Variants in CENPP observed in about 807,000 individuals in gnomAD.
CENPP encodes the protein centromere protein P.
A neutral mutation model predicts 35.6 loss-of-function variants in CENPP; 24 were observed. The observed-to-expected ratio is 0.67, with a 90% CI of 0.49 to 0.95. The LOEUF is 0.95. Among genes scored for constraint, CENPP ranks in the 40% least tolerant of loss-of-function variants. The probability of loss-of-function intolerance (pLI) is 0.00; values close to 1 mark genes in which losing one functional copy is unlikely to be tolerated. For missense variants in CENPP, 332 were observed against 345.3 expected (o/e 0.96, Z 0.31); for synonymous variants, 120 against 125.5 (o/e 0.96, Z 0.29).
intron 5 of CENPP, among the ~76,000 whole-genome samples, chr9:92,505,875 A>G (rs1401288665): frequency 1.3e-5 from 2 of 152,178 alleles, no homozygotes; most frequent in Non-Finnish European, 2.9e-5. Flanking sequence ...TGCTCAATTC[A>G]ACCAGAACTA....
rs749549480 is a variant in CENPP, at chr9:92,457,415, A to G, written c.564+77556A>G. The stretch of plus-strand genomic sequence containing the variant: ...TATTGCACTGTATAAAGATTTCTTC[A>G]TCTTTGGCACTGTTGGACAGAAGTC... On this transcript the variant is annotated intron_variant, in intron 5 of 7. Transcript: ENST00000375587. 1.2e-5 allele frequency: 20 copies of G among 1,613,776 alleles called. No homozygotes were observed. In the African/African-American group the frequency reaches 2.5e-4, roughly 20 times the overall value.
chr9:92,595,244 GTT>G (rs1850750813), intron 5 of CENPP, among the ~76,000 whole-genome samples: 1 of 152,008 alleles, frequency 6.6e-6, no homozygotes, highest in Admixed American at 6.5e-5. Context: ...TGGTTTATTT[GTT>G]TATTGATTTT....
chr9:92,373,981 A>G (rs941144141), intron 4 of CENPP, among the ~76,000 whole-genome samples: 4 of 151,876 alleles, frequency 2.6e-5, no homozygotes, highest in African/African-American at 4.8e-5. Context: ...CTGCACATAC[A>G]CTGTAGCAGG....
chr9:92,575,151 T>G (rs1438980636), intron 5 of CENPP, among the ~76,000 whole-genome samples: 1 of 152,188 alleles, frequency 6.6e-6, no homozygotes, highest in Non-Finnish European at 1.5e-5. Context: ...ATTTGGCAAG[T>G]GATTTCTTAG....
chr9:92,477,023 A>G (rs1470368662), intron 5 of CENPP, among the ~76,000 whole-genome samples: 2 of 152,354 alleles, frequency 1.3e-5, no homozygotes, highest in East Asian at 3.9e-4. Flanking sequence ...GGTAGAGAAC[A>G]GAATGATTGT....
intron 5 of CENPP, among the ~76,000 whole-genome samples, chr9:92,448,185 G>GT (rs1455698520): frequency 6.6e-6 from 1 of 152,138 alleles, no homozygotes; most frequent in Non-Finnish European, 1.5e-5. Flanking sequence ...TAAAGAAAGA[G>GT]TTTAATAGAC....
intron 5 of CENPP, chr9:92,505,605 C>T (rs1299705268): frequency 1.9e-6 from 3 of 1,611,542 alleles, no homozygotes; most frequent in East Asian, 4.5e-5. Flanking sequence ...AGGCTAGGCT[C>T]TTCAAAGGTT....
At chr9:92,485,040 A>T (rs1040133517) in intron 5 of CENPP, among the ~76,000 whole-genome samples, 1 of 152,230 alleles carries the variant, frequency 6.6e-6, no homozygotes, top group African/African-American at 2.4e-5. Context: ...TGCAGGCCTC[A>T]GGCACAACCC....
intron 5 of CENPP, chr9:92,386,438 T>C: frequency 1.7e-6 from 1 of 591,068 alleles, no homozygotes; most frequent in East Asian, 3.0e-5. Context: ...ATATCAATTG[T>C]TCGTATGGTA....
chr9:92,367,160 A>G (rs1428037068), intron 4 of CENPP, among the ~76,000 whole-genome samples: 2 of 152,012 alleles, frequency 1.3e-5, no homozygotes, highest in African/African-American at 4.8e-5. Context: ...CGTTTATTTT[A>G]TTTTTATGTA....
intron 5 of CENPP, among the ~76,000 whole-genome samples, chr9:92,562,706 T>C (rs1849877217): frequency 6.6e-6 from 1 of 152,166 alleles, no homozygotes. Flanking sequence ...ATTACACAAA[T>C]GGTAGTTTTA....
chr9:92,415,325 G>T (rs1447230771), intron 5 of CENPP: 3 of 1,613,564 alleles, frequency 1.9e-6, no homozygotes, highest in South Asian at 1.1e-5. Context: ...GTGCTTCGTT[G>T]TTCACCATAA....
intron 5 of CENPP, among the ~76,000 whole-genome samples, chr9:92,608,267 G>A (rs990036333): frequency 2.6e-5 from 4 of 152,170 alleles, no homozygotes; most frequent in African/African-American, 9.7e-5. Context: ...TCCTTCTCTT[G>A]GCCTCGATTT....
chr9:92,571,213 A>G (rs1850129566), intron 5 of CENPP, among the ~76,000 whole-genome samples: 1 of 152,106 alleles, frequency 6.6e-6, no homozygotes, highest in Non-Finnish European at 1.5e-5. Flanking sequence ...TCTTGTGGGC[A>G]TTTAGTGCTA....
At chr9:92,493,126 G>A (rs370624639) in intron 5 of CENPP, among the ~76,000 whole-genome samples, 32 of 152,326 alleles carry the variant, frequency 2.1e-4, no homozygotes, top group African/African-American at 7.7e-4. Context: ...AAAACCTAGT[G>A]TGTCATTTAG....
intron 5 of CENPP, among the ~76,000 whole-genome samples, chr9:92,562,838 T>C (rs1849880732): frequency 1.3e-5 from 2 of 152,146 alleles, no homozygotes; most frequent in Non-Finnish European, 2.9e-5. Flanking sequence ...TGGCAACCGA[T>C]GTAACCCATC....
At chr9:92,516,352 C>T (rs1287265608) in intron 5 of CENPP, among the ~76,000 whole-genome samples, 1 of 152,104 alleles carries the variant, frequency 6.6e-6, no homozygotes, top group Non-Finnish European at 1.5e-5. Flanking sequence ...TGTGAGCTAC[C>T]GTGCCCAGCC....
chr9:92,439,154 T>C (rs1844320674), intron 5 of CENPP, among the ~76,000 whole-genome samples: 1 of 152,196 alleles, frequency 6.6e-6, no homozygotes, highest in South Asian at 2.1e-4. Context: ...GTATTTTTAT[T>C]AGATCGTGTG....
At chr9:92,366,626 G>C (rs574550793) in intron 4 of CENPP, among the ~76,000 whole-genome samples, 4 of 151,954 alleles carry the variant, frequency 2.6e-5, no homozygotes, top group African/African-American at 9.7e-5. Flanking sequence ...TTTTAAAAAG[G>C]CATTATTTTT....
Sources: allele counts gnomAD v4.1 joint callset (sites outside exome capture counted in the v4.1 genomes callset), GRCh38; gene constraint gnomAD v4.1.1; transcripts MANE v1.5; gene names NCBI Gene and HGNC (gene_info 2026-07-23, HGNC 2026-07-21).